The following BANK1 variants were observed in gnomAD, a reference collection of about 807,000 sequenced individuals.
The protein encoded by BANK1 is B cell scaffold protein with ankyrin repeats 1.
Under a neutral mutation model 94.5 loss-of-function variants are expected in BANK1, and 95 were observed. The observed-to-expected ratio is 1.00, with a 90% confidence interval of 0.85 to 1.19. BANK1 has a LOEUF of 1.19. BANK1 is among the 50% of genes most tolerant of loss of function. The probability of loss-of-function intolerance (pLI) is 0.00; values close to 1 mark genes in which losing one functional copy is unlikely to be tolerated. For missense variants in BANK1, 987 were observed against 932.2 expected (o/e 1.06, Z -0.77); for synonymous variants, 334 against 308.4 (o/e 1.08, Z -0.87).
chr4:102,035,651 A>T (rs1727485470), intron 10 of BANK1, among the ~76,000 whole-genome samples: 1 of 32,502 alleles, frequency 3.1e-5, no homozygotes. Flanking sequence ...CCGTCTCAAA[A>T]AAAAAAAAAA....
Position 101,839,937 on chromosome 4 carries a change from A to ATTTTTTTTTTTTT in BANK1, c.469+9768_469+9780dup, listed in dbSNP as rs70964197. On this transcript the variant is annotated intron_variant, in intron 2 of 16. Transcript: ENST00000322953. The stretch of plus-strand genomic sequence containing the variant: ...GCTACTATATAATTTCAAATATTTA[A>ATTTTTTTTTTTTT]TTTTTTTTTTTTTTTTTTTTTTTTT... Among the ~76,000 whole-genome samples, 5 of 53,086 alleles carry ATTTTTTTTTTTTT rather than the reference A, an allele frequency of 9.4e-5. 1 individual carries two copies. The highest frequency in any genetic ancestry group is 1.5e-4 in the Non-Finnish European group (4 of 27,274). The allele number at this position is 53,086 out of a possible 152,430, so 34.8% of individuals were successfully genotyped here.
intron 1 of BANK1, among the ~76,000 whole-genome samples, chr4:101,822,218 A>C (rs1726183194): frequency 6.6e-6 from 1 of 151,896 alleles, no homozygotes; most frequent in Non-Finnish European, 1.5e-5. Context: ...AAAATACAAA[A>C]AATTAACTTG....
At chr4:101,991,919 TACTC>T (rs1400376677) in intron 7 of BANK1, among the ~76,000 whole-genome samples, 1 of 152,166 alleles carries the variant, frequency 6.6e-6, no homozygotes. Context: ...TTCCATGAAA[TACTC>T]ACCACCACCT....
At chr4:101,950,714 C>A (rs1449248059) in intron 7 of BANK1, among the ~76,000 whole-genome samples, 2 of 152,110 alleles carry the variant, frequency 1.3e-5, no homozygotes, top group Non-Finnish European at 2.9e-5. Flanking sequence ...GTGGTGGAGA[C>A]CACCTTCACA....
intron 1 of BANK1, among the ~76,000 whole-genome samples, chr4:101,828,219 A>C (rs1234248319): frequency 6.6e-6 from 1 of 151,726 alleles, no homozygotes; most frequent in African/African-American, 2.4e-5. Flanking sequence ...AGACCTGTCC[A>C]ACCTCCATTA....
At chr4:102,059,485 A>C (rs1728341359) in intron 11 of BANK1, among the ~76,000 whole-genome samples, 1 of 152,164 alleles carries the variant, frequency 6.6e-6, no homozygotes, top group Non-Finnish European at 1.5e-5. Context: ...TAACCTAGAG[A>C]GTACATAGCA....
At chr4:101,877,145 T>C (rs1728519545) in intron 5 of BANK1, among the ~76,000 whole-genome samples, 1 of 151,810 alleles carries the variant, frequency 6.6e-6, no homozygotes, top group African/African-American at 2.4e-5. Context: ...TTCAAAGGGG[T>C]AATAACAGAT....
intron 1 of BANK1, among the ~76,000 whole-genome samples, chr4:101,798,936 C>A (rs1403782411): frequency 6.6e-6 from 1 of 152,118 alleles, no homozygotes; most frequent in African/African-American, 2.4e-5. Flanking sequence ...ATGGTAGTTT[C>A]TTTTGCTGTG....
chr4:101,793,725 A>G (rs144761193), intron 1 of BANK1, among the ~76,000 whole-genome samples: 20 of 152,284 alleles, frequency 1.3e-4, no homozygotes, highest in African/African-American at 4.6e-4. Context: ...AAAAAGCAAA[A>G]TCCAAGAGAA....
At chr4:101,971,493 C>A in intron 7 of BANK1, among the ~76,000 whole-genome samples, 1 of 151,994 alleles carries the variant, frequency 6.6e-6, no homozygotes, top group East Asian at 1.9e-4. Flanking sequence ...CTGTGCAGAA[C>A]CTGTTTAGTT....
At chr4:101,819,145 A>T (rs1726037006) in intron 1 of BANK1, among the ~76,000 whole-genome samples, 1 of 152,132 alleles carries the variant, frequency 6.6e-6, no homozygotes, top group South Asian at 2.1e-4. Flanking sequence ...TTCCCAAAAA[A>T]TACCATGGTG....
At chr4:102,066,222 C>T (rs772601202) in intron 13 of BANK1, among the ~76,000 whole-genome samples, 9 of 150,524 alleles carry the variant, frequency 6.0e-5, no homozygotes, top group Non-Finnish European at 1.3e-4. Context: ...AATTTATTAT[C>T]AGAAACAATG....
chr4:101,951,308 A>G (rs1347764679), intron 7 of BANK1, among the ~76,000 whole-genome samples: 1 of 152,158 alleles, frequency 6.6e-6, no homozygotes, highest in Non-Finnish European at 1.5e-5. Flanking sequence ...TTTGTTAAGA[A>G]CTTAGAGCTT....
chr4:101,903,413 A>G (rs890015795), intron 6 of BANK1, among the ~76,000 whole-genome samples: 1 of 152,188 alleles, frequency 6.6e-6, no homozygotes, highest in Non-Finnish European at 1.5e-5. Context: ...AATTCTTATC[A>G]TAGTAGCAAT....
intron 1 of BANK1, among the ~76,000 whole-genome samples, chr4:101,819,916 A>G (rs1200839748): frequency 6.6e-6 from 1 of 152,188 alleles, no homozygotes; most frequent in African/African-American, 2.4e-5. Context: ...TTAAAGTTGT[A>G]GAAAAGAAGA....
intron 11 of BANK1, among the ~76,000 whole-genome samples, chr4:102,053,626 A>T (rs1035294926): frequency 6.6e-6 from 1 of 152,008 alleles, no homozygotes. Context: ...TAACCAAAAC[A>T]TATTCTAACC....
At chr4:101,791,635 TAAA>T (rs983628131) in intron 1 of BANK1, among the ~76,000 whole-genome samples, 4 of 152,248 alleles carry the variant, frequency 2.6e-5, no homozygotes, top group Admixed American at 1.3e-4. Flanking sequence ...TTTTTTAAAT[TAAA>T]AAACTTCACT....
At chr4:101,917,386 T>C (rs979956054) in intron 6 of BANK1, among the ~76,000 whole-genome samples, 4 of 151,960 alleles carry the variant, frequency 2.6e-5, no homozygotes, top group Admixed American at 1.3e-4. Flanking sequence ...TAATTGATAG[T>C]TAATAATTAT....
intron 6 of BANK1, among the ~76,000 whole-genome samples, chr4:101,899,881 C>G (rs1722217280): frequency 6.6e-6 from 1 of 152,198 alleles, no homozygotes. Flanking sequence ...CTTTTGGCCT[C>G]AGGATGCAAT....
Sources: allele counts gnomAD v4.1 joint callset (sites outside exome capture counted in the v4.1 genomes callset), GRCh38; gene constraint gnomAD v4.1.1; transcripts MANE v1.5; gene names NCBI Gene and HGNC (gene_info 2026-07-23, HGNC 2026-07-21).